The following RPTOR variants were observed in gnomAD, a reference collection of about 807,000 sequenced individuals.
RPTOR encodes the protein regulatory-associated protein of mTOR.
Under a neutral mutation model 169.9 loss-of-function variants are expected in RPTOR, and 21 were observed. The observed-to-expected ratio is 0.12, with a 90% CI of 0.09 to 0.18. RPTOR has a LOEUF of 0.18. Among genes scored for constraint, RPTOR ranks in the 10% least tolerant of loss-of-function variants. The pLI is 1.00. For missense variants in RPTOR, 1,133 were observed against 1,855.9 expected (o/e 0.61, Z 7.16); for synonymous variants, 732 against 753.2 (o/e 0.97, Z 0.46).
At chr17:80,941,358 CTG>C (rs1428320759) in intron 25 of RPTOR, 1 of 152,610 alleles carries the variant, frequency 6.6e-6, no homozygotes, top group Non-Finnish European at 1.5e-5. Context: ...GTCACAGAGA[CTG>C]TGTGGGGAGC....
intron 3 of RPTOR, among the ~76,000 whole-genome samples, chr17:80,702,879 A>G (rs909791361): frequency 2.0e-5 from 3 of 152,206 alleles, no homozygotes; most frequent in Admixed American, 6.5e-5. Flanking sequence ...CTGTGACTTC[A>G]GCAATCCTAG....
intron 13 of RPTOR, among the ~76,000 whole-genome samples, chr17:80,867,829 A>G (rs1464430332): frequency 6.6e-6 from 1 of 152,232 alleles, no homozygotes; most frequent in East Asian, 1.9e-4. Flanking sequence ...AGATCTGTAC[A>G]CCAAAACTAC....
In RPTOR at chr17:80,620,233, G is replaced by A. The variant is rs185292037; in HGVS notation, c.163-5458G>A. On this transcript the variant is annotated intron_variant, in intron 1 of 33. Transcript: ENST00000306801. ...CTTTTCAAATTCAAAATTAACCTAT[G>A]GGGATATAACGATGTCATCTTAAAT... Among the ~76,000 whole-genome samples the A allele has an allele frequency of 2.6e-4, 39 of 152,258 alleles. No individual in the cohort carries two copies. In the East Asian group the frequency reaches 7.3e-3, roughly 29 times the overall value.
intron 3 of RPTOR, among the ~76,000 whole-genome samples, chr17:80,681,694 G>A (rs2065899764): frequency 1.3e-5 from 1 of 77,318 alleles, no homozygotes; most frequent in Non-Finnish European, 2.4e-5. Flanking sequence ...TGAGGTGTAC[G>A]TCTCTTACAC....
intron 13 of RPTOR, among the ~76,000 whole-genome samples, chr17:80,868,325 A>G (rs1027217559): frequency 4.6e-5 from 7 of 152,228 alleles, no homozygotes; most frequent in Admixed American, 3.9e-4. Flanking sequence ...CAGCACATGA[A>G]ACAATGCTGA....
At position 80,567,397 on chromosome 17, in the gene RPTOR, C is replaced by T. The variant is rs117868213; in HGVS notation, c.162+21606C>T. On this transcript the variant is annotated intron_variant, in intron 1 of 33. Coordinates refer to ENST00000306801, the MANE Select transcript of RPTOR (RefSeq NM_020761.3). ...GCCACTTCACATGTAATATAAGAAC[C>T]TTATAGAAGAAGGGTGTACTGCTCT... 5.3e-3 allele frequency among the ~76,000 whole-genome samples: 799 copies of T among 152,082 alleles called. 4 individuals carry two copies. Among genetic ancestry groups the T allele is most frequent in the Non-Finnish European group, 8.3e-3 (567 of 67,998 alleles).
chr17:80,855,615 T>C, intron 12 of RPTOR, 68 bp downstream of exon 12: 2 of 1,208,112 alleles, frequency 1.7e-6, no homozygotes, highest in East Asian at 2.3e-5. Flanking sequence ...CGTGTTTCAG[T>C]CTGTGCACGT....
At chr17:80,764,150 ATTT>A (rs1210435696) in intron 6 of RPTOR, among the ~76,000 whole-genome samples, 1 of 129,850 alleles carries the variant, frequency 7.7e-6, no homozygotes, top group East Asian at 2.1e-4. Flanking sequence ...ATTTTATTTT[ATTT>A]TATTTTATTT....
intron 11 of RPTOR, among the ~76,000 whole-genome samples, chr17:80,852,814 C>T (rs566747080): frequency 3.9e-5 from 6 of 152,186 alleles, no homozygotes; most frequent in South Asian, 2.1e-4. Context: ...GTGGCTCCTC[C>T]GTGGAAGTCG....
At position 80,947,078 on chromosome 17, in the gene RPTOR, A is replaced by G. The variant is rs534266721; in HGVS notation, c.3141-149A>G. 1.2e-5 allele frequency: 8 copies of G among 677,608 alleles called. No individual in the cohort carries two copies. In the South Asian group the frequency reaches 1.2e-4, roughly 11 times the overall value. 42.0% of individuals were successfully genotyped at this position (677,608 alleles called of 1,614,324 possible). A position where few individuals can be genotyped will look rare whatever the true frequency, so the allele number is the denominator to read the frequency against. ...ACAGTCCTCCTGCTTCAGCCTCCCAAGTAGCTAGGATGACAGGTGTGAGCC... is the reference window on the plus strand; with the variant it reads ...ACAGTCCTCCTGCTTCAGCCTCCCAGGTAGCTAGGATGACAGGTGTGAGCC... On this transcript the variant is annotated intron_variant, in intron 26 of 33. Transcript: ENST00000306801. This position sits in a 1 kb window ranked among gnomAD's most constrained non-coding sequence, Gnocchi z 4.4.
chr17:80,864,017 ACAACGG>A (rs1346204668), intron 13 of RPTOR, among the ~76,000 whole-genome samples: 2 of 152,244 alleles, frequency 1.3e-5, no homozygotes, highest in Non-Finnish European at 2.9e-5. Context: ...CCATTGCGGG[ACAACGG>A]CAAGTGACAT....
chr17:80,550,118 C>G (rs144214484), intron 1 of RPTOR, among the ~76,000 whole-genome samples: 3 of 152,138 alleles, frequency 2.0e-5, no homozygotes, highest in African/African-American at 7.2e-5. Flanking sequence ...TCTACACTAC[C>G]CCCTCTGCTT....
At chr17:80,758,100 C>T (rs1301509937) in intron 6 of RPTOR, among the ~76,000 whole-genome samples, 1 of 152,202 alleles carries the variant, frequency 6.6e-6, no homozygotes, top group African/African-American at 2.4e-5. Context: ...ATATTGCCCT[C>T]AACAAATGTC....
intron 2 of RPTOR, among the ~76,000 whole-genome samples, chr17:80,634,154 C>CTG (rs774291587): frequency 1.7e-5 from 2 of 115,366 alleles, no homozygotes; most frequent in Non-Finnish European, 3.6e-5. Context: ...CGTGTGCGTA[C>CTG]TGTGTGTGTG....
intron 4 of RPTOR, chr17:80,709,193 A>C: frequency 1.7e-6 from 1 of 576,756 alleles, no homozygotes; most frequent in Middle Eastern, 8.7e-4. Flanking sequence ...GCTTGATTTT[A>C]ATTCCTTTCG....
At chr17:80,549,544 C>G (rs2084320011) in intron 1 of RPTOR, among the ~76,000 whole-genome samples, 3 of 152,098 alleles carry the variant, frequency 2.0e-5, no homozygotes, top group Non-Finnish European at 2.9e-5. Flanking sequence ...AACTCCTGAC[C>G]TCAGGTGATC....
chr17:80,862,500 A>G (rs776021160), intron 13 of RPTOR, among the ~76,000 whole-genome samples: 2 of 144,422 alleles, frequency 1.4e-5, no homozygotes, highest in Non-Finnish European at 3.0e-5. Flanking sequence ...TGCACCCCCT[A>G]CAATGTGTGC....
intron 1 of RPTOR, among the ~76,000 whole-genome samples, chr17:80,608,405 G>A (rs1362361048): frequency 6.6e-6 from 1 of 152,314 alleles, no homozygotes; most frequent in African/African-American, 2.4e-5. Context: ...CATCATTGGA[G>A]TTGCCGTCTT....
At chr17:80,896,945 C>G (rs1327801573) in intron 20 of RPTOR, among the ~76,000 whole-genome samples, 1 of 152,148 alleles carries the variant, frequency 6.6e-6, no homozygotes, top group Non-Finnish European at 1.5e-5. Context: ...TTTTTTAAAA[C>G]CTGTTGCTGG....
Sources: allele counts gnomAD v4.1 joint callset (sites outside exome capture counted in the v4.1 genomes callset), GRCh38; gene constraint gnomAD v4.1.1; non-coding constraint Gnocchi (gnomAD v3.1); transcripts MANE v1.5; gene names NCBI Gene and HGNC (gene_info 2026-07-23, HGNC 2026-07-21).